Variants in CSMD3 observed in about 807,000 individuals in gnomAD.
The protein encoded by CSMD3 is CUB and Sushi multiple domains 3, also known as CUB and sushi domain-containing protein 3.
In CSMD3, 177 loss-of-function variants were observed where a neutral mutation model predicts 435.2. The ratio of observed to expected loss-of-function variants is 0.41; its 90% CI spans 0.36 to 0.46. CSMD3 has a LOEUF of 0.46. Among genes scored for constraint, CSMD3 ranks in the 20% least tolerant of loss-of-function variants. The pLI, the probability that CSMD3 is intolerant of heterozygous loss-of-function variation, is 0.34. For missense variants in CSMD3, 4,265 were observed against 4,504.6 expected, an observed-to-expected ratio of 0.95 and a Z score of 1.52; for synonymous variants, 1,656 against 1,520.5, an observed-to-expected ratio of 1.09 and a Z score of -2.07.
intron 32 of CSMD3, among the ~76,000 whole-genome samples, chr8:112,465,242 TCA>T (rs905700184): frequency 2.4e-4 from 36 of 152,288 alleles, no homozygotes; most frequent in African/African-American, 8.7e-4. Flanking sequence ...TTCTGTCGTC[TCA>T]CATATTAAAG....
At chr8:112,343,019 A>ATT (rs1563815815) in intron 41 of CSMD3, among the ~76,000 whole-genome samples, 5 of 95,854 alleles carry the variant, frequency 5.2e-5, no homozygotes, top group South Asian at 6.8e-4. Context: ...ATATATATTT[A>ATT]TATATATATA....
intron 11 of CSMD3, among the ~76,000 whole-genome samples, chr8:112,846,610 A>G (rs1359637450): frequency 1.3e-5 from 2 of 151,748 alleles, no homozygotes; most frequent in Non-Finnish European, 2.9e-5. Flanking sequence ...GGGTCTTGCT[A>G]TGTTGCTCAG....
intron 36 of CSMD3, among the ~76,000 whole-genome samples, chr8:112,386,163 C>T (rs918633423): frequency 1.3e-5 from 2 of 151,976 alleles, no homozygotes; most frequent in African/African-American, 4.8e-5. Flanking sequence ...TGGGCAGGGA[C>T]GAGGGAGGAG....
intron 6 of CSMD3, among the ~76,000 whole-genome samples, chr8:113,008,045 A>G (rs1052891166): frequency 6.6e-6 from 1 of 151,784 alleles, no homozygotes; most frequent in African/African-American, 2.4e-5. Context: ...GACCTGTGCT[A>G]CTTGTCTAAC....
rs920703744 is a variant in CSMD3, at chr8:113,377,671, G to A, written c.178+59006C>T. On this transcript the variant is annotated intron_variant, in intron 1 of 70. Coordinates refer to ENST00000297405, the MANE Select transcript of CSMD3 (RefSeq NM_198123.2). ...CAATAGAAACTCTAATTTTAGCAAA[G>A]CACCACACTTGGAGTTGGACCATCT... Among the ~76,000 whole-genome samples, 4 of 152,236 alleles carry A rather than the reference G, an allele frequency of 2.6e-5. No individual in the cohort carries two copies. The South Asian group carries it at 8.3e-4, about 32-fold the overall frequency.
intron 6 of CSMD3, among the ~76,000 whole-genome samples, chr8:112,995,837 T>G (rs2085630801): frequency 6.6e-6 from 1 of 150,520 alleles, no homozygotes; most frequent in African/African-American, 2.4e-5. Flanking sequence ...TCAGTTGTCT[T>G]TACCATTCTT....
intron 5 of CSMD3, among the ~76,000 whole-genome samples, chr8:113,044,522 A>C (rs1425789361): frequency 6.7e-6 from 1 of 149,348 alleles, no homozygotes. Flanking sequence ...ATCATACAAT[A>C]TTCTATAAAG....
At chr8:112,679,385 C>G (rs1259335382) in intron 16 of CSMD3, among the ~76,000 whole-genome samples, 3 of 152,130 alleles carry the variant, frequency 2.0e-5, no homozygotes, top group Non-Finnish European at 4.4e-5. Flanking sequence ...GCTCCAACCT[C>G]ATCCTTAGTG....
At chr8:112,227,348 A>G (rs1812667838) in intron 70 of CSMD3, among the ~76,000 whole-genome samples, 1 of 152,234 alleles carries the variant, frequency 6.6e-6, no homozygotes, top group African/African-American at 2.4e-5. Flanking sequence ...ATTTACGTAA[A>G]AAATATGCAG....
chr8:113,355,635 G>T (rs1513519), intron 1 of CSMD3, among the ~76,000 whole-genome samples: 2 of 149,070 alleles, frequency 1.3e-5, no homozygotes, highest in Non-Finnish European at 3.0e-5. Flanking sequence ...ACGAATTTTA[G>T]GGGGACACAA....
intron 11 of CSMD3, among the ~76,000 whole-genome samples, chr8:112,835,648 T>C (rs541994517): frequency 1.7e-4 from 26 of 151,950 alleles, no homozygotes; most frequent in Admixed American, 1.4e-3. Flanking sequence ...ACATCTTATG[T>C]GTATAAATAA....
chr8:112,280,655 A>AT, intron 59 of CSMD3, among the ~76,000 whole-genome samples: 1 of 152,266 alleles, frequency 6.6e-6, no homozygotes, highest in African/African-American at 2.4e-5. Flanking sequence ...TTTTAAACAC[A>AT]TTTTTCAAAA....
At chr8:112,494,555 CTTT>C (rs1821125216) in intron 30 of CSMD3, among the ~76,000 whole-genome samples, 2 of 99,778 alleles carry the variant, frequency 2.0e-5, no homozygotes, top group Admixed American at 9.9e-5. Context: ...TTCTTTCTTT[CTTT>C]CTTTCTTTCT....
chr8:112,831,600 A>G (rs1474093442), intron 11 of CSMD3, among the ~76,000 whole-genome samples: 1 of 149,218 alleles, frequency 6.7e-6, no homozygotes, highest in Non-Finnish European at 1.5e-5. Flanking sequence ...ATTGAGTTAC[A>G]TATCTTTTTA....
At chr8:112,944,355 C>G (rs1265131404) in intron 9 of CSMD3, among the ~76,000 whole-genome samples, 1 of 151,630 alleles carries the variant, frequency 6.6e-6, no homozygotes, top group Non-Finnish European at 1.5e-5. Context: ...CTTGGGATCC[C>G]ATTTATTTTC....
intron 13 of CSMD3, among the ~76,000 whole-genome samples, chr8:112,702,113 A>C (rs2076401818): frequency 6.6e-6 from 1 of 152,058 alleles, no homozygotes; most frequent in Admixed American, 6.6e-5. Context: ...CAAGTGTCTA[A>C]ACACTTACAT....
At chr8:112,561,304 G>A (rs1296331237) in intron 24 of CSMD3, among the ~76,000 whole-genome samples, 12 of 151,496 alleles carry the variant, frequency 7.9e-5, no homozygotes, top group Admixed American at 2.6e-4. Flanking sequence ...AATTTTATAC[G>A]CTGGTGAAAT....
intron 1 of CSMD3, among the ~76,000 whole-genome samples, chr8:113,385,650 T>C (rs1287403810): frequency 6.6e-6 from 1 of 152,092 alleles, no homozygotes; most frequent in Non-Finnish European, 1.5e-5. Context: ...ATGTCAGAGC[T>C]GGGGATTGAA....
At chr8:112,940,210 A>G (rs954432257) in intron 9 of CSMD3, among the ~76,000 whole-genome samples, 1 of 151,868 alleles carries the variant, frequency 6.6e-6, no homozygotes, top group African/African-American at 2.4e-5. Flanking sequence ...CCAAATGAGT[A>G]GCATGTTCCC....
Sources: allele counts gnomAD v4.1 joint callset (sites outside exome capture counted in the v4.1 genomes callset), GRCh38; gene constraint gnomAD v4.1.1; transcripts MANE v1.5; gene names NCBI Gene and HGNC (gene_info 2026-07-23, HGNC 2026-07-21).